Variants in LPCAT2 observed in about 807,000 individuals in gnomAD.
LPCAT2 encodes the protein 1-AGP acyltransferase 11.
A neutral mutation model predicts 64.7 loss-of-function variants in LPCAT2; 58 were observed. That is an observed-to-expected ratio of 0.90 (90% confidence interval 0.73 to 1.12). The LOEUF is 1.12. Among genes scored for constraint, LPCAT2 ranks in the 50% most tolerant of loss-of-function variants. LPCAT2 has a pLI of 0.00. For synonymous variants in LPCAT2, 252 were observed against 245.3 expected, an observed-to-expected ratio of 1.03 and a Z score of -0.26; for missense variants, 579 against 669.8, an observed-to-expected ratio of 0.86 and a Z score of 1.50.
intron 1 of LPCAT2, among the ~76,000 whole-genome samples, chr16:55,510,838 A>C (rs1962922130): frequency 6.6e-6 from 1 of 152,234 alleles, no homozygotes; most frequent in Non-Finnish European, 1.5e-5. Context: ...AATCATACTT[A>C]AATGAAAATA....
intron 13 of LPCAT2, among the ~76,000 whole-genome samples, chr16:55,581,988 CA>C (rs1304758821): frequency 1.3e-5 from 2 of 152,156 alleles, no homozygotes; most frequent in Admixed American, 6.6e-5. Context: ...GATTACAAAT[CA>C]AGGCTCAGCT....
intron 11 of LPCAT2, among the ~76,000 whole-genome samples, chr16:55,568,694 C>G (rs373302204): frequency 4.5e-4 from 69 of 152,204 alleles, no homozygotes; most frequent in African/African-American, 1.6e-3. Flanking sequence ...GTAGGGCCAC[C>G]TCACAGTATT....
intron 1 of LPCAT2, 53 bp downstream of exon 1, chr16:55,509,405 A>G (rs1410475097): frequency 4.0e-5 from 40 of 993,130 alleles, no homozygotes; most frequent in African/African-American, 2.7e-4. Context: ...CCTAGGTCAG[A>G]GGGGGGTCCA....
chr16:55,530,543 T>C (rs2142381099), intron 4 of LPCAT2, among the ~76,000 whole-genome samples: 1 of 152,150 alleles, frequency 6.6e-6, no homozygotes, highest in East Asian at 1.9e-4. Flanking sequence ...ATTCTAATAG[T>C]CACTCCTTTA....
Position 55,511,975 on chromosome 16 carries a change from G to A in LPCAT2, c.171+2623G>A, listed in dbSNP as rs117900862. 2.9e-3 allele frequency among the ~76,000 whole-genome samples: 448 copies of A among 152,208 alleles called. 10 individuals carry two copies. The South Asian group carries it at 0.05, about 17-fold the overall frequency. ...CCAGAGTGACTTGGGAATTTGAGTCGTCTCATCTTCTCCACAGTACTCTTC... is the reference window on the plus strand; with the variant it reads ...CCAGAGTGACTTGGGAATTTGAGTCATCTCATCTTCTCCACAGTACTCTTC... On this transcript the variant is annotated intron_variant, in intron 1 of 13. Coordinates refer to ENST00000262134, the MANE Select transcript of LPCAT2 (RefSeq NM_017839.5).
intron 8 of LPCAT2, among the ~76,000 whole-genome samples, chr16:55,544,032 TTATCTCTC>T (rs1963425489): frequency 6.6e-6 from 1 of 152,214 alleles, no homozygotes; most frequent in Non-Finnish European, 1.5e-5. Flanking sequence ...CAAGGTCTTA[TTATCTCTC>T]CCATGATTGC....
intron 11 of LPCAT2, 143 bp downstream of exon 11, chr16:55,551,245 T>C (rs1963514252): frequency 1.8e-6 from 1 of 542,226 alleles, no homozygotes; most frequent in South Asian, 5.0e-5. Flanking sequence ...ATGATTTTGT[T>C]TTTTTCTCCT....
chr16:55,545,619 C>T (rs1285514538), intron 8 of LPCAT2, 116 bp from the exon 9 acceptor site: 2 of 684,870 alleles, frequency 2.9e-6, no homozygotes, highest in East Asian at 2.7e-5. Context: ...CCTCATATAA[C>T]CTATGTTCTA....
chr16:55,555,945 G>A (rs1963569864), intron 11 of LPCAT2, among the ~76,000 whole-genome samples: 1 of 152,118 alleles, frequency 6.6e-6, no homozygotes, highest in Non-Finnish European at 1.5e-5. Flanking sequence ...CTCCCAAGTA[G>A]CTGGGATTAC....
chr16:55,527,044 AC>A (rs1364905448), intron 2 of LPCAT2, among the ~76,000 whole-genome samples: 19 of 152,196 alleles, frequency 1.2e-4, no homozygotes, highest in Admixed American at 5.2e-4. Flanking sequence ...TCATATCATT[AC>A]ATGAGTAGAA....
intron 1 of LPCAT2, among the ~76,000 whole-genome samples, chr16:55,519,417 G>A (rs1197085348): frequency 6.6e-6 from 1 of 151,354 alleles, no homozygotes; most frequent in Admixed American, 6.6e-5. Context: ...GCTGGGGCAG[G>A]AGAATGAAGT....
At chr16:55,570,194 C>T (rs1963753623) in intron 11 of LPCAT2, among the ~76,000 whole-genome samples, 1 of 152,172 alleles carries the variant, frequency 6.6e-6, no homozygotes, top group African/African-American at 2.4e-5. Context: ...ATCATGTGCT[C>T]TGTAACTATG....
At chr16:55,519,251 G>A (rs1311067531) in intron 1 of LPCAT2, among the ~76,000 whole-genome samples, 7 of 151,862 alleles carry the variant, frequency 4.6e-5, no homozygotes, top group South Asian at 2.1e-4. Flanking sequence ...CTGTAGTCCC[G>A]GCACTTTGGG....
At chr16:55,526,040 A>G (rs1443096965) in intron 2 of LPCAT2, 1 of 152,958 alleles carries the variant, frequency 6.5e-6, no homozygotes, top group Admixed American at 6.5e-5. Context: ...CAGTTTTCAC[A>G]TTTGCTTTTC....
At chr16:55,576,926 A>C (rs1963834363) in intron 12 of LPCAT2, among the ~76,000 whole-genome samples, 1 of 152,214 alleles carries the variant, frequency 6.6e-6, no homozygotes, top group Non-Finnish European at 1.5e-5. Flanking sequence ...GAGCTTATAC[A>C]GAAGTGAGAG....
At chr16:55,513,904 C>T (rs1962970075) in intron 1 of LPCAT2, among the ~76,000 whole-genome samples, 1 of 152,058 alleles carries the variant, frequency 6.6e-6, no homozygotes, top group Non-Finnish European at 1.5e-5. Flanking sequence ...GGGCGTTTGT[C>T]AAAAACAATC....
rs561848446 is a variant in LPCAT2, at chr16:55,524,591, A to AT, written c.172-911dup. Among the ~76,000 whole-genome samples the AT allele has an allele frequency of 2.6e-3, 394 of 151,964 alleles. 2 individuals are homozygous for AT. The highest frequency in any genetic ancestry group is 0.02 in the Middle Eastern group (6 of 294). ...GATCAGATAATTAGAATATATTGGC[A>AT]TTTTTTCTAAATTATTTGATGGTGC... is the stretch of plus-strand genomic sequence containing the variant. On this transcript the variant is annotated intron_variant, in intron 1 of 13. Coordinates refer to ENST00000262134, the MANE Select transcript of LPCAT2 (RefSeq NM_017839.5).
At chr16:55,544,864 G>T (rs1963435929) in intron 8 of LPCAT2, among the ~76,000 whole-genome samples, 2 of 152,068 alleles carry the variant, frequency 1.3e-5, no homozygotes, top group African/African-American at 4.8e-5. Context: ...CATGTGACTT[G>T]CATGCCTTTA....
intron 1 of LPCAT2, among the ~76,000 whole-genome samples, chr16:55,522,882 C>T (rs1031756861): frequency 2.0e-5 from 3 of 151,438 alleles, no homozygotes; most frequent in Non-Finnish European, 4.4e-5. Flanking sequence ...TATAGAATAT[C>T]TTCAAGACCT....
Sources: allele counts gnomAD v4.1 joint callset (sites outside exome capture counted in the v4.1 genomes callset), GRCh38; gene constraint gnomAD v4.1.1; transcripts MANE v1.5; gene names NCBI Gene and HGNC (gene_info 2026-07-23, HGNC 2026-07-21).